AKT3: variants seen among roughly 807,000 people sequenced by gnomAD.
The protein encoded by AKT3 is AKT serine/threonine kinase 3, also known as RAC-gamma serine/threonine-protein kinase.
Under a neutral mutation model 65.3 loss-of-function variants are expected in AKT3, and 15 were observed. The ratio of observed to expected loss-of-function variants is 0.23; its 90% CI spans 0.15 to 0.35. The LOEUF (loss-of-function observed/expected upper bound fraction) is 0.35, where lower values mean the gene tolerates loss of function less well. AKT3 is among the 10% of genes least tolerant of loss of function. The pLI, the probability that AKT3 is intolerant of heterozygous loss-of-function variation, is 1.00. For missense variants in AKT3, 243 were observed against 576.5 expected (o/e 0.42, Z 5.92); for synonymous variants, 206 against 183.8 (o/e 1.12, Z -0.98).
At chr1:243,652,511 C>T (rs1340374878) in intron 4 of AKT3, among the ~76,000 whole-genome samples, 1 of 151,998 alleles carries the variant, frequency 6.6e-6, no homozygotes, top group Non-Finnish European at 1.5e-5. Flanking sequence ...ATTGAAAAGA[C>T]CATCAACACT....
At chr1:243,545,469 C>T in intron 12 of AKT3, 41 bp downstream of exon 12, 2 of 1,223,762 alleles carry the variant, frequency 1.6e-6, no homozygotes, top group Non-Finnish European at 2.4e-6. Context: ...TTTAGCAGTG[C>T]AGCCAAAATA....
chr1:243,818,603 TTAACA>T (rs1413935977), intron 2 of AKT3, among the ~76,000 whole-genome samples: 1 of 152,166 alleles, frequency 6.6e-6, no homozygotes, highest in African/African-American at 2.4e-5. Flanking sequence ...GTAAGAAAAC[TTAACA>T]TAAAGTTTAC....
At chr1:243,694,742 G>C (rs892817130) in intron 3 of AKT3, among the ~76,000 whole-genome samples, 42 of 151,744 alleles carry the variant, frequency 2.8e-4, no homozygotes, top group African/African-American at 9.6e-4. Flanking sequence ...TTATTTTCTT[G>C]AATTTTTTGT....
At chr1:243,632,187 T>C (rs929711686) in intron 6 of AKT3, among the ~76,000 whole-genome samples, 1 of 152,216 alleles carries the variant, frequency 6.6e-6, no homozygotes, top group African/African-American at 2.4e-5. Flanking sequence ...TCTATGGCAG[T>C]AATTACTGTC....
intron 2 of AKT3, among the ~76,000 whole-genome samples, chr1:243,795,138 CTTT>C (rs879274798): frequency 1.4e-5 from 2 of 141,198 alleles, no homozygotes. Context: ...TCTATGTCTA[CTTT>C]TTTTTTTTTT....
chr1:243,501,365 A>G lies in AKT3; in HGVS notation c.*3884T>C, dbSNP rs1023689924. The G allele has an allele frequency of 2.1e-5, 5 of 233,110 alleles. No individual in the cohort carries two copies. Among genetic ancestry groups the G allele is most frequent in the Non-Finnish European group, 4.2e-5 (5 of 118,012 alleles). 14.4% of individuals were successfully genotyped at this position (233,110 alleles called of 1,614,324 possible). On this transcript the variant is annotated 3_prime_UTR_variant, in exon 14 of 14. Coordinates refer to ENST00000673466, the MANE Select transcript of AKT3 (RefSeq NM_005465.7). ...ATATGCAGAGCAGTACATTATCAGG[A>G]AGACGTTAATGAAAAGCTACATTCC...
At chr1:243,836,384 A>T (rs1694889233) in intron 2 of AKT3, among the ~76,000 whole-genome samples, 1 of 152,072 alleles carries the variant, frequency 6.6e-6, no homozygotes, top group Non-Finnish European at 1.5e-5. Context: ...CAAAATATAT[A>T]AAATTAAAAA....
At chr1:243,783,132 T>C (rs769533388) in intron 2 of AKT3, among the ~76,000 whole-genome samples, 33 of 150,894 alleles carry the variant, frequency 2.2e-4, no homozygotes, top group Non-Finnish European at 4.0e-4. Flanking sequence ...AGAGTGTCCT[T>C]TGTATATTAA....
chr1:243,637,721 A>G lies in AKT3; in HGVS notation c.451T>C (p.Leu151=). 1 of 1,557,500 alleles carries G rather than the reference A, an allele frequency of 6.4e-7. No homozygotes were observed. Among genetic ancestry groups the G allele is most frequent in the Non-Finnish European group, 8.8e-7 (1 of 1,134,876 alleles). ...AAAGTGCCTTTACCTAGTAGTTTCA[A>G]ATAGTCAAAATCATTCATTGTCTGA... The part of the protein sequence containing the change: ...KRKTMNDFDY[L]KLLGKGTFGK... Residue 151 remains leucine (L), a synonymous_variant, in exon 6 of 14, where the codon TTG becomes CTG. Coordinates refer to ENST00000673466, the MANE Select transcript of AKT3 (RefSeq NM_005465.7).
chr1:243,565,037 A>C (rs1674054567), intron 9 of AKT3, among the ~76,000 whole-genome samples: 1 of 152,232 alleles, frequency 6.6e-6, no homozygotes. Flanking sequence ...AAATACAGTT[A>C]GGCAAGTTGT....
intron 12 of AKT3, among the ~76,000 whole-genome samples, chr1:243,539,557 T>C (rs948853310): frequency 6.6e-6 from 1 of 152,096 alleles, no homozygotes; most frequent in Admixed American, 6.6e-5. Flanking sequence ...CAAGTGTATA[T>C]AGAACATACA....
At chr1:243,839,768 G>A (rs764225893) in intron 2 of AKT3, among the ~76,000 whole-genome samples, 2 of 143,234 alleles carry the variant, frequency 1.4e-5, no homozygotes, top group South Asian at 2.2e-4. Flanking sequence ...ATAGTCTTAC[G>A]AAAAAAGACT....
At chr1:243,557,001 G>A (rs1478875161) in intron 10 of AKT3, among the ~76,000 whole-genome samples, 1 of 152,104 alleles carries the variant, frequency 6.6e-6, no homozygotes, top group Admixed American at 6.6e-5. Flanking sequence ...CATTTGCTAT[G>A]AATTAGAATG....
chr1:243,498,063 G>A (rs1019101541), downstream of AKT3, among the ~76,000 whole-genome samples: 2 of 152,196 alleles, frequency 1.3e-5, no homozygotes, highest in Non-Finnish European at 2.9e-5. Flanking sequence ...AAGTTAGGAA[G>A]CCACTGTGTC....
intron 11 of AKT3, among the ~76,000 whole-genome samples, chr1:243,547,140 G>A (rs757032205): frequency 2.6e-5 from 4 of 151,612 alleles, no homozygotes; most frequent in Non-Finnish European, 4.4e-5. Flanking sequence ...CAATTCTGGC[G>A]GTATAAATTC....
chr1:243,666,355 G>A (rs893103791), intron 3 of AKT3, among the ~76,000 whole-genome samples: 3 of 152,078 alleles, frequency 2.0e-5, no homozygotes, highest in Admixed American at 1.3e-4. Context: ...ATTCACCCAA[G>A]GGTCTCTGCT....
chr1:243,605,476 A>ATT (rs1677330731), intron 8 of AKT3, among the ~76,000 whole-genome samples: 1 of 152,236 alleles, frequency 6.6e-6, no homozygotes, highest in Non-Finnish European at 1.5e-5. Flanking sequence ...AGAATAGCAA[A>ATT]TTTATATCTC....
chr1:243,514,806 G>A (rs1388180121), intron 12 of AKT3, among the ~76,000 whole-genome samples: 1 of 152,068 alleles, frequency 6.6e-6, no homozygotes, highest in East Asian at 1.9e-4. Flanking sequence ...AACCCGGCCG[G>A]GGCGAACGAG....
In AKT3 at chr1:243,504,072, G is replaced by C. The variant is rs1669513482; in HGVS notation, c.*1177C>G. 4.5e-6 allele frequency: 1 copy of C among 224,080 alleles called. No homozygotes were observed. The highest frequency in any genetic ancestry group is 8.9e-6 in the Non-Finnish European group (1 of 112,172). 13.9% of individuals were successfully genotyped at this position (224,080 alleles called of 1,614,324 possible). On this transcript the variant is annotated 3_prime_UTR_variant, in exon 14 of 14. Transcript: ENST00000673466. ...TCTAACCAATATATTCCATTTCAGAGCCTTATCATTTTTTTTAACAGAGGA... is the reference window on the plus strand; with the variant it reads ...TCTAACCAATATATTCCATTTCAGACCCTTATCATTTTTTTTAACAGAGGA...
Sources: gnomAD v4.1 joint callset for allele counts (sites outside exome capture counted in the v4.1 genomes callset) on GRCh38, gnomAD v4.1.1 for gene constraint, MANE v1.5 for transcripts, NCBI Gene and HGNC (gene_info 2026-07-23, HGNC 2026-07-21) for gene names.